NLGN1: variants seen among roughly 807,000 people sequenced by gnomAD.
The protein encoded by NLGN1 is neuroligin 1.
Under a neutral mutation model 65.5 loss-of-function variants are expected in NLGN1, and 12 were observed. That is an observed-to-expected ratio of 0.18 (90% CI 0.12 to 0.30). The LOEUF is 0.30. Ranked by LOEUF, NLGN1 falls within the 10% of genes least tolerant of loss-of-function variation. The pLI is 1.00. For synonymous variants in NLGN1, 350 were observed against 359.5 expected (o/e 0.97, Z 0.30); for missense variants, 750 against 1,007.1 (o/e 0.74, Z 3.46).
intron 4 of NLGN1, among the ~76,000 whole-genome samples, chr3:173,821,594 A>T (rs1033859309): frequency 2.6e-5 from 4 of 152,132 alleles, no homozygotes; most frequent in Admixed American, 1.3e-4. Context: ...ATTTTAGTGA[A>T]TATATTTGGC....
At chr3:173,491,244 C>G (rs1318497645) in intron 2 of NLGN1, among the ~76,000 whole-genome samples, 2 of 151,722 alleles carry the variant, frequency 1.3e-5, no homozygotes, top group Non-Finnish European at 2.9e-5. Context: ...TCATAGATAG[C>G]TCTTATTATT....
chr3:174,216,143 C>T (rs1269415790), intron 4 of NLGN1, among the ~76,000 whole-genome samples: 1 of 152,128 alleles, frequency 6.6e-6, no homozygotes, highest in African/African-American at 2.4e-5. Flanking sequence ...AAATTGTGCG[C>T]TTTACAAATT....
chr3:174,057,242 A>T (rs1356264186), intron 4 of NLGN1, among the ~76,000 whole-genome samples: 1 of 152,084 alleles, frequency 6.6e-6, no homozygotes, highest in African/African-American at 2.4e-5. Flanking sequence ...AGAGGCATCC[A>T]TGTGACACGG....
intron 2 of NLGN1, among the ~76,000 whole-genome samples, chr3:173,496,285 G>A (rs6810131): frequency 0.12 from 18,262 of 151,614 alleles, 3,895 homozygotes; most frequent in African/African-American, 0.42. Context: ...TTCAAGAATC[G>A]CATTTGAATA....
At chr3:173,771,557 ATAAC>A (rs1484147349) in intron 3 of NLGN1, among the ~76,000 whole-genome samples, 1 of 152,126 alleles carries the variant, frequency 6.6e-6, no homozygotes, top group Non-Finnish European at 1.5e-5. Context: ...ACTCAGGAAA[ATAAC>A]TAACACCTTG....
At chr3:173,487,884 A>AT (rs1340061790) in intron 2 of NLGN1, among the ~76,000 whole-genome samples, 1 of 151,918 alleles carries the variant, frequency 6.6e-6, no homozygotes, top group African/African-American at 2.4e-5. Flanking sequence ...TTTTCAATGC[A>AT]TTTTAAGTTT....
At chr3:173,815,356 C>G (rs1718824519) in intron 4 of NLGN1, among the ~76,000 whole-genome samples, 1 of 152,096 alleles carries the variant, frequency 6.6e-6, no homozygotes. Flanking sequence ...ATCTGCAGGC[C>G]TCAGCCTCCC....
chr3:173,402,989 T>C (rs1314233838), intron 1 of NLGN1, among the ~76,000 whole-genome samples: 1 of 152,132 alleles, frequency 6.6e-6, no homozygotes, highest in Non-Finnish European at 1.5e-5. Flanking sequence ...CTAGGGCTCC[T>C]AACAGGGAGT....
chr3:174,243,666 A>G (rs1438679898), intron 4 of NLGN1, among the ~76,000 whole-genome samples: 3 of 152,182 alleles, frequency 2.0e-5, no homozygotes, highest in Admixed American at 6.5e-5. Context: ...TACAGTATAC[A>G]TAATTCCTTA....
intron 4 of NLGN1, among the ~76,000 whole-genome samples, chr3:173,985,930 A>G (rs188497690): frequency 5.9e-4 from 90 of 152,294 alleles, no homozygotes; most frequent in South Asian, 2.9e-3. Context: ...AGCCTGGGCA[A>G]CAGAGAGAGA....
chr3:174,145,042 C>T (rs138628278), intron 4 of NLGN1, among the ~76,000 whole-genome samples: 4 of 152,136 alleles, frequency 2.6e-5, no homozygotes, highest in African/African-American at 9.6e-5. Context: ...TTAGGTCTTA[C>T]ATTTAAGTCT....
At chr3:174,164,804 G>T (rs1365066655) in intron 4 of NLGN1, among the ~76,000 whole-genome samples, 2 of 151,772 alleles carry the variant, frequency 1.3e-5, no homozygotes, top group African/African-American at 4.8e-5. Flanking sequence ...GATGGCGCTG[G>T]CTTTCCCAAT....
intron 4 of NLGN1, among the ~76,000 whole-genome samples, chr3:173,854,264 A>G (rs568207532): frequency 9.9e-5 from 15 of 152,184 alleles, no homozygotes; most frequent in Admixed American, 2.6e-4. Context: ...TAAAGTAATC[A>G]TATTTGCTAC....
intron 2 of NLGN1, among the ~76,000 whole-genome samples, chr3:173,510,628 A>G (rs1732786290): frequency 6.6e-6 from 1 of 152,226 alleles, no homozygotes; most frequent in South Asian, 2.1e-4. Context: ...AGTAGATGCC[A>G]GAAGCTAAAT....
chr3:173,792,642 A>T (rs547502658), intron 3 of NLGN1, among the ~76,000 whole-genome samples: 1 of 152,280 alleles, frequency 6.6e-6, no homozygotes, highest in South Asian at 2.1e-4. Flanking sequence ...CAATAAAAAA[A>T]AGACATATTT....
In NLGN1 at chr3:173,408,060, C is replaced by T. The variant is rs929263395; in HGVS notation, c.-390+9573C>T. On this transcript the variant is annotated intron_variant, in intron 1 of 6. Coordinates refer to ENST00000457714, the Ensembl canonical transcript of NLGN1. The stretch of plus-strand genomic sequence containing the variant: ...TTGCCTGTCATCAAATGAGAAGATT[C>T]TTCTTATCATTTTTGTTTTTTTTGA... Among the ~76,000 whole-genome samples, 36 of 152,120 alleles carry T rather than the reference C, an allele frequency of 2.4e-4. No homozygotes were observed. In the Middle Eastern group the frequency reaches 0.01, roughly 43 times the overall value.
intron 2 of NLGN1, among the ~76,000 whole-genome samples, chr3:173,558,968 G>C (rs9842389): frequency 6.6e-6 from 1 of 151,764 alleles, no homozygotes. Flanking sequence ...AGGAATCCTC[G>C]GTCAGAATTT....
At chr3:174,045,645 A>C (rs1487208505) in intron 4 of NLGN1, among the ~76,000 whole-genome samples, 2 of 152,216 alleles carry the variant, frequency 1.3e-5, no homozygotes, top group Non-Finnish European at 2.9e-5. Context: ...TCTACTACAT[A>C]GAAAATAAGC....
intron 3 of NLGN1, among the ~76,000 whole-genome samples, chr3:173,699,046 C>T (rs762520179): frequency 5.3e-5 from 8 of 151,924 alleles, no homozygotes; most frequent in East Asian, 3.9e-4. Context: ...AGTAGAGACG[C>T]GTTATCTCCA....
Sources: allele counts gnomAD v4.1 joint callset (sites outside exome capture counted in the v4.1 genomes callset), GRCh38; gene constraint gnomAD v4.1.1; transcripts MANE v1.5; gene names NCBI Gene and HGNC (gene_info 2026-07-23, HGNC 2026-07-21).